The following XKR6 variants were observed in gnomAD, a reference collection of about 807,000 sequenced individuals.
XKR6 encodes the protein XK-related protein 6.
A neutral mutation model predicts 56.7 loss-of-function variants in XKR6; 22 were observed. That is an observed-to-expected ratio of 0.39 (90% CI 0.28 to 0.55). XKR6 has a LOEUF of 0.55. Ranked by LOEUF, XKR6 falls within the 20% of genes least tolerant of loss-of-function variation. The pLI is 0.66. For missense variants in XKR6, 852 were observed against 889.0 expected, an observed-to-expected ratio of 0.96 and a Z score of 0.53; for synonymous variants, 524 against 387.8, an observed-to-expected ratio of 1.35 and a Z score of -4.13.
rs766126309 is a variant in XKR6 at position 11,200,599 on chromosome 8, C to T, written c.741G>A (p.Leu247=). The T allele has an allele frequency of 3.3e-6, 5 of 1,531,092 alleles. No individual in the cohort carries two copies. In the Admixed American group the frequency reaches 1.1e-4, roughly 34 times the overall value. 94.8% of individuals were successfully genotyped at this position (1,531,092 alleles called of 1,614,324 possible). A position where few individuals can be genotyped will look rare whatever the true frequency, so the allele number is the denominator to read the frequency against. Residue 247 remains leucine (L), a synonymous_variant, in exon 1 of 3, where the codon CTG becomes CTA. Transcript: ENST00000416569. The surrounding 1 kb of genome is among the most constrained non-coding windows in gnomAD (Gnocchi z 6.4). The stretch of plus-strand genomic sequence containing the variant: ...ACCTCCACACCTGCCCCATCTGCAG[C>T]AGGTGGATGACCGACTGCCAGATCC... ...SVWIWQSVIH[L]LQMGQVWRYI...
chr8:11,088,838 T>C (rs1195780482), intron 1 of XKR6, among the ~76,000 whole-genome samples: 1 of 152,244 alleles, frequency 6.6e-6, no homozygotes, highest in Non-Finnish European at 1.5e-5. Context: ...AAGTGAACTT[T>C]AATGTGATCA....
intron 1 of XKR6, among the ~76,000 whole-genome samples, chr8:11,174,486 C>G (rs1802555440): frequency 6.6e-6 from 1 of 152,220 alleles, no homozygotes; most frequent in Non-Finnish European, 1.5e-5. Flanking sequence ...CTGCCAGCTG[C>G]TGCCTAAATA....
At chr8:10,993,333 G>C (rs1229858270) in intron 1 of XKR6, among the ~76,000 whole-genome samples, 1 of 152,248 alleles carries the variant, frequency 6.6e-6, no homozygotes, top group Non-Finnish European at 1.5e-5. Flanking sequence ...GGGGACGGGG[G>C]TGTGAGGGCA....
At chr8:11,178,586 G>GTATATATATA (rs1802797847) in intron 1 of XKR6, among the ~76,000 whole-genome samples, 1 of 114,454 alleles carries the variant, frequency 8.7e-6, no homozygotes, top group Non-Finnish European at 1.9e-5. Flanking sequence ...ATATATATAT[G>GTATATATATA]TACTACACAC....
chr8:10,921,960 A>G (rs1358351617), intron 2 of XKR6, among the ~76,000 whole-genome samples: 1 of 152,186 alleles, frequency 6.6e-6, no homozygotes, highest in African/African-American at 2.4e-5. Flanking sequence ...ACTCCTCTCT[A>G]GCGAATGGGA....
At chr8:11,146,705 T>C (rs151221780) in intron 1 of XKR6, among the ~76,000 whole-genome samples, 324 of 150,808 alleles carry the variant, frequency 2.1e-3, no homozygotes, top group African/African-American at 7.4e-3. Flanking sequence ...ATTATGAGAA[T>C]GATATGGAAA....
chr8:11,045,075 CTTTTTTTTTTT>C (rs5889356), intron 1 of XKR6, among the ~76,000 whole-genome samples: 76 of 36,036 alleles, frequency 2.1e-3, no homozygotes, highest in East Asian at 7.6e-3. Flanking sequence ...TCAAATCACT[CTTTTTTTTTTT>C]TTTTTTTTTT....
chr8:11,131,270 G>C (rs574525030), intron 1 of XKR6, among the ~76,000 whole-genome samples: 3 of 151,988 alleles, frequency 2.0e-5, no homozygotes, highest in Admixed American at 6.6e-5. Flanking sequence ...TCCTATTTCT[G>C]TTTCATTTTT....
At chr8:10,906,038 T>G (rs1039338042) in intron 2 of XKR6, among the ~76,000 whole-genome samples, 2 of 152,156 alleles carry the variant, frequency 1.3e-5, no homozygotes, top group African/African-American at 4.8e-5. Flanking sequence ...AGCCGTTAAA[T>G]AACCCACCCA....
intron 1 of XKR6, among the ~76,000 whole-genome samples, chr8:10,949,980 G>C (rs1305778074): frequency 6.6e-6 from 1 of 152,136 alleles, no homozygotes; most frequent in African/African-American, 2.4e-5. Context: ...TCCTCTGCAT[G>C]AAAAAGAACC....
chr8:10,952,198 C>T (rs977736255), intron 1 of XKR6, among the ~76,000 whole-genome samples: 3 of 152,154 alleles, frequency 2.0e-5, no homozygotes, highest in Non-Finnish European at 4.4e-5. Flanking sequence ...AGGAAGGGGA[C>T]CCAAGTTCAC....
intron 1 of XKR6, among the ~76,000 whole-genome samples, chr8:10,932,112 T>C (rs549493539): frequency 6.6e-6 from 1 of 152,002 alleles, no homozygotes; most frequent in Non-Finnish European, 1.5e-5. Context: ...TACAAGTAAA[T>C]AGGGAAATGT....
intron 2 of XKR6, among the ~76,000 whole-genome samples, chr8:10,903,303 G>A (rs147927930): frequency 2.0e-5 from 3 of 152,282 alleles, no homozygotes; most frequent in African/African-American, 4.8e-5. Flanking sequence ...GGCCATCAGC[G>A]AAGGGTGCCT....
At position 11,192,058 on chromosome 8, in the gene XKR6, C is replaced by T. The variant is rs570140751; in HGVS notation, c.764+8518G>A. Among the ~76,000 whole-genome samples the T allele has an allele frequency of 2.0e-5, 3 of 152,278 alleles. No individual in the cohort carries two copies. In the East Asian group the frequency reaches 5.8e-4, roughly 29 times the overall value. ...ATTAACAACTGGCCAGGCACAGCGACTCACGCCTATAATCCTTGGGAGGAC... is the reference window on the plus strand; with the variant it reads ...ATTAACAACTGGCCAGGCACAGCGATTCACGCCTATAATCCTTGGGAGGAC... On this transcript the variant is annotated intron_variant, in intron 1 of 2. Coordinates refer to ENST00000416569, the MANE Select transcript of XKR6 (RefSeq NM_173683.4).
intron 1 of XKR6, among the ~76,000 whole-genome samples, chr8:11,128,334 A>G (rs1425401911): frequency 6.6e-6 from 1 of 152,186 alleles, no homozygotes; most frequent in Admixed American, 6.5e-5. Context: ...CTCCTGTGGG[A>G]AAGTCATTCA....
chr8:11,062,781 C>T (rs1318683508), intron 1 of XKR6: 10 of 456,168 alleles, frequency 2.2e-5, no homozygotes, highest in Non-Finnish European at 4.0e-5. Context: ...TCTCTTTTCC[C>T]TGGGCACAGA....
intron 2 of XKR6, among the ~76,000 whole-genome samples, chr8:10,914,633 G>A (rs370173417): frequency 4.6e-4 from 70 of 152,292 alleles, no homozygotes; most frequent in South Asian, 4.4e-3. Flanking sequence ...GGGACCCAGA[G>A]AAGATGAGAT....
At chr8:11,037,049 T>A (rs930975612) in intron 1 of XKR6, among the ~76,000 whole-genome samples, 1 of 152,170 alleles carries the variant, frequency 6.6e-6, no homozygotes, top group Non-Finnish European at 1.5e-5. Flanking sequence ...ATGATCCTAC[T>A]TATACTTATG....
rs35995429 is a variant in XKR6 at position 11,063,516 on chromosome 8, C to CAA, written c.764+137058_764+137059dup. ...CAGGTGACAGAGCAAGGCCCTGTCT[C>CAA]AAAAAAAAAAAAAAAAAGTCCTATT... On this transcript the variant is annotated intron_variant, in intron 1 of 2. Transcript: ENST00000416569. Among the ~76,000 whole-genome samples the CAA allele has an allele frequency of 8.0e-3, 961 of 120,674 alleles. 12 individuals are homozygous for CAA. The highest frequency in any genetic ancestry group is 0.024 in the African/African-American group (791 of 33,018). The allele number at this position is 120,674 out of a possible 152,430, so 79.2% of individuals were successfully genotyped here. A position where few individuals can be genotyped will look rare whatever the true frequency, so the allele number is the denominator to read the frequency against.
Sources: allele counts gnomAD v4.1 joint callset (sites outside exome capture counted in the v4.1 genomes callset), GRCh38; gene constraint gnomAD v4.1.1; non-coding constraint Gnocchi (gnomAD v3.1); transcripts MANE v1.5; gene names NCBI Gene and HGNC (gene_info 2026-07-23, HGNC 2026-07-21).